The following CEP41 variants were observed in gnomAD, a reference collection of about 807,000 sequenced individuals.
The protein encoded by CEP41 is centrosomal protein 41.
Under a neutral mutation model 44.3 loss-of-function variants are expected in CEP41, and 32 were observed. The observed-to-expected ratio is 0.72, with a 90% confidence interval of 0.54 to 0.97. CEP41 has a LOEUF of 0.97. Among genes scored for constraint, CEP41 ranks in the 50% least tolerant of loss-of-function variants. The probability of loss-of-function intolerance (pLI) is 0.00; values close to 1 mark genes in which losing one functional copy is unlikely to be tolerated. For synonymous variants in CEP41, 151 were observed against 168.5 expected (o/e 0.90, Z 0.80); for missense variants, 432 against 455.2 (o/e 0.95, Z 0.46).
In CEP41 at chr7:130,440,586, G is replaced by A. The variant is rs567834355; in HGVS notation, c.33+348C>T. 71 of 480,214 alleles carry A rather than the reference G, an allele frequency of 1.5e-4. 1 individual carries two copies. In the Admixed American group the frequency reaches 2.4e-3, roughly 16 times the overall value. 29.7% of individuals were successfully genotyped at this position (480,214 alleles called of 1,614,324 possible). A position where few individuals can be genotyped will look rare whatever the true frequency, so the allele number is the denominator to read the frequency against. On this transcript the variant is annotated intron_variant, in intron 1 of 10. Coordinates refer to ENST00000223208, the MANE Select transcript of CEP41 (RefSeq NM_018718.3). ...AGAGATGCTGGCTGGCTTTCAACAC[G>A]TGCCATTAGTGTGCAGCGCTTCCTT...
chr7:130,437,012 C>G (rs11982087), intron 1 of CEP41, among the ~76,000 whole-genome samples: 29,512 of 152,060 alleles, frequency 0.19, 2,874 homozygotes, highest in African/African-American at 0.22. Context: ...GCACTCCAGC[C>G]TGGGCAACAG....
At chr7:130,421,845 C>T (rs1797518513) in intron 2 of CEP41, 2 of 1,438,648 alleles carry the variant, frequency 1.4e-6, no homozygotes, top group African/African-American at 1.4e-5. Flanking sequence ...CCTTAATCAG[C>T]CTGCAGTGCT....
At chr7:130,417,319 T>C in intron 2 of CEP41, 1 of 1,114,324 alleles carries the variant, frequency 9.0e-7, no homozygotes, top group Non-Finnish European at 1.1e-6. Context: ...GATCTTTTTG[T>C]GGGGAAGATA....
intron 2 of CEP41, 135 bp downstream of exon 2, chr7:130,427,820 C>G (rs1428754314): frequency 1.5e-6 from 1 of 647,694 alleles, no homozygotes; most frequent in Admixed American, 2.5e-5. Flanking sequence ...AAGGATAAAT[C>G]CTGAGCCGAG....
At chr7:130,419,168 G>T in intron 2 of CEP41, 1 of 985,382 alleles carries the variant, frequency 1.0e-6, no homozygotes, top group Non-Finnish European at 1.2e-6. Context: ...TGAGAAACAA[G>T]TTTTTTGCAA....
chr7:130,419,439 T>C (rs1797433260), intron 2 of CEP41: 2 of 985,352 alleles, frequency 2.0e-6, no homozygotes, highest in African/African-American at 3.5e-5. Context: ...TATCTTACTG[T>C]ATCTAATTGC....
chr7:130,398,542 C>T lies in CEP41; in HGVS notation c.*349G>A, dbSNP rs1554415872. The T allele has an allele frequency of 4.3e-6, 2 of 467,592 alleles. No homozygotes were observed. Among genetic ancestry groups the T allele is most frequent in the Non-Finnish European group, 8.5e-6 (2 of 236,066 alleles). 29.0% of individuals were successfully genotyped at this position (467,592 alleles called of 1,614,324 possible). On this transcript the variant is annotated 3_prime_UTR_variant, in exon 11 of 11. Transcript: ENST00000223208. Reference sequence around the variant, plus strand: ...TGACTGAAGTATTTACAAAACAACACAGAGAGACCCAACAAGCTGGACCTT... The same window carrying T: ...TGACTGAAGTATTTACAAAACAACATAGAGAGACCCAACAAGCTGGACCTT...
At chr7:130,414,221 T>C (rs1343502114) in intron 3 of CEP41, among the ~76,000 whole-genome samples, 1 of 152,212 alleles carries the variant, frequency 6.6e-6, no homozygotes, top group African/African-American at 2.4e-5. Context: ...CCATTACTTC[T>C]AGGAAATGCT....
intron 1 of CEP41, among the ~76,000 whole-genome samples, chr7:130,431,058 G>C (rs1402984189): frequency 6.6e-6 from 1 of 152,126 alleles, no homozygotes; most frequent in African/African-American, 2.4e-5. Context: ...AAAAAATGTA[G>C]TTTCTTTTCT....
chr7:130,402,616 A>C (rs782741615), intron 7 of CEP41, 32 bp downstream of exon 7: 2 of 1,613,206 alleles, frequency 1.2e-6, no homozygotes, highest in Admixed American at 3.3e-5. Flanking sequence ...TGTTCTTGAG[A>C]GTGAGGCACT....
intron 1 of CEP41, among the ~76,000 whole-genome samples, chr7:130,430,666 G>A (rs1407552373): frequency 6.6e-6 from 1 of 152,098 alleles, no homozygotes; most frequent in Non-Finnish European, 1.5e-5. Context: ...CAAAAAACAG[G>A]GAAAGTATGT....
At chr7:130,415,678 G>T (rs36027020) in intron 3 of CEP41, among the ~76,000 whole-genome samples, 27,866 of 152,076 alleles carry the variant, frequency 0.18, 2,675 homozygotes, top group Middle Eastern at 0.26. Context: ...GAGGACATGT[G>T]AACTCACACT....
chr7:130,440,815 AC>A, intron 1 of CEP41, 118 bp downstream of exon 1: 2 of 657,230 alleles, frequency 3.0e-6, no homozygotes, highest in Non-Finnish European at 4.3e-6. Flanking sequence ...ACCCCTCCTC[AC>A]GCCGGCCCCT....
chr7:130,422,148 C>G, intron 2 of CEP41: 2 of 978,174 alleles, frequency 2.0e-6, no homozygotes, highest in Non-Finnish European at 1.5e-6. Flanking sequence ...AGGAAGATAG[C>G]AGTCTTTGAA....
intron 2 of CEP41, chr7:130,426,917 T>C (rs782710089): frequency 4.3e-6 from 1 of 232,058 alleles, no homozygotes; most frequent in Non-Finnish European, 8.7e-6. Context: ...TATTTTCACC[T>C]GCCCATCAAG....
chr7:130,399,395 A>C (rs1796773455), intron 10 of CEP41: 1 of 316,238 alleles, frequency 3.2e-6, no homozygotes, highest in Admixed American at 4.6e-5. Flanking sequence ...AGGTAGGAAG[A>C]CAAACCACAG....
intron 3 of CEP41, among the ~76,000 whole-genome samples, chr7:130,414,346 C>A (rs1797272848): frequency 6.6e-6 from 1 of 152,178 alleles, no homozygotes; most frequent in African/African-American, 2.4e-5. Context: ...AAAGTACAAC[C>A]AAATAACTAC....
chr7:130,440,881 CT>C (rs1554427473), intron 1 of CEP41, 52 bp downstream of exon 1: 3 of 1,600,062 alleles, frequency 1.9e-6, no homozygotes, highest in South Asian at 1.1e-5. Flanking sequence ...CCACATGAGC[CT>C]TTTCCGGTGC....
At chr7:130,429,653 G>T (rs1797767810) in intron 1 of CEP41, among the ~76,000 whole-genome samples, 1 of 152,184 alleles carries the variant, frequency 6.6e-6, no homozygotes, top group Non-Finnish European at 1.5e-5. Context: ...ACTCATTCAG[G>T]TTGCCAGTCT....
Sources: allele counts gnomAD v4.1 joint callset (sites outside exome capture counted in the v4.1 genomes callset), GRCh38; gene constraint gnomAD v4.1.1; transcripts MANE v1.5; gene names NCBI Gene and HGNC (gene_info 2026-07-23, HGNC 2026-07-21).